PDLIM3: variants seen among roughly 807,000 people sequenced by gnomAD.
The protein encoded by PDLIM3 is PDZ and LIM domain protein 3.
Under a neutral mutation model 37.3 loss-of-function variants are expected in PDLIM3, and 36 were observed. The ratio of observed to expected loss-of-function variants is 0.97; its 90% confidence interval spans 0.74 to 1.28. The LOEUF (loss-of-function observed/expected upper bound fraction) is 1.28. Ranked by LOEUF, PDLIM3 falls within the 50% of genes most tolerant of loss-of-function variation. The pLI, the probability that PDLIM3 is intolerant of heterozygous loss-of-function variation, is 0.00. For synonymous variants in PDLIM3, 174 were observed against 182.4 expected, an observed-to-expected ratio of 0.95 and a Z score of 0.37; for missense variants, 454 against 485.0, an observed-to-expected ratio of 0.94 and a Z score of 0.60.
Position 185,504,708 on chromosome 4 carries a change from G to A in PDLIM3, c.794-122C>T. On this transcript the variant is annotated intron_variant, in intron 6 of 7. Coordinates refer to ENST00000284767, the MANE Select transcript of PDLIM3 (RefSeq NM_014476.6). This position sits in a 1 kb window ranked among gnomAD's most constrained non-coding sequence, Gnocchi z 4.7. ...CATCTGCACCGTCATTCCGAGAGGG[G>A]CAGGACTGATGCAATCATAAGGGAC... 1 of 748,922 alleles carries A rather than the reference G, an allele frequency of 1.3e-6. No homozygotes were observed. The allele number at this position is 748,922 out of a possible 1,614,324, so 46.4% of individuals were successfully genotyped here.
In PDLIM3 at chr4:185,502,327, G is replaced by T; in HGVS notation, c.1062C>A (p.Gly354=). ...TGGGATACAGAGTGACCGTGTCATA[G>T]CCCTCTGGGGGCTTTGTGCGGGCTC... ...HARARTKPPE[G]YDTVTLYPKA The change falls in exon 8 of 8, where the codon GGC becomes GGA. Residue 354 remains glycine (G), a synonymous_variant. Transcript: ENST00000284767. The T allele has an allele frequency of 6.2e-7, 1 of 1,614,254 alleles. No homozygotes were observed. Among genetic ancestry groups the T allele is most frequent in the South Asian group, 1.1e-5 (1 of 91,090 alleles).
intron 1 of PDLIM3, among the ~76,000 whole-genome samples, chr4:185,527,877 C>T (rs2153338839): frequency 6.6e-6 from 1 of 151,996 alleles, no homozygotes; most frequent in African/African-American, 2.4e-5. Flanking sequence ...TAGCAGGACC[C>T]TGTCTCTACA....
intron 1 of PDLIM3, among the ~76,000 whole-genome samples, chr4:185,526,268 C>T (rs1276512513): frequency 2.0e-5 from 3 of 152,202 alleles, no homozygotes; most frequent in African/African-American, 4.8e-5. Flanking sequence ...TTTGTATTCA[C>T]TCATGGTCTC....
At chr4:185,529,200 T>C (rs1425605942) in intron 1 of PDLIM3, among the ~76,000 whole-genome samples, 1 of 152,192 alleles carries the variant, frequency 6.6e-6, no homozygotes, top group Non-Finnish European at 1.5e-5. Context: ...TCCAGTCCTA[T>C]TCCAGATGCT....
chr4:185,502,196 T>C lies in PDLIM3; in HGVS notation c.*98A>G. On this transcript the variant is annotated 3_prime_UTR_variant, in exon 8 of 8. Transcript: ENST00000284767. ...TAAAGCCTTGACTTTAGATTTGGAG[T>C]TGACAATCTGCACAATCCTTCTGCC... is the stretch of plus-strand genomic sequence containing the variant. 1 of 1,241,842 alleles carries C rather than the reference T, an allele frequency of 8.1e-7. No homozygotes were observed. The highest frequency in any genetic ancestry group is 1.2e-6 in the Non-Finnish European group (1 of 855,076). 76.9% of individuals were successfully genotyped at this position (1,241,842 alleles called of 1,614,324 possible).
At position 185,504,161 on chromosome 4, in the gene PDLIM3, G is replaced by A. The variant is rs1259938278; in HGVS notation, c.905+314C>T. ...ATTTACTAAACACTATACGTTAACA[G>A]GGGTGGGGGAGTTTAAAGTGAAGTC... is the stretch of plus-strand genomic sequence containing the variant. On this transcript the variant is annotated intron_variant, in intron 7 of 7. Transcript: ENST00000284767. The surrounding 1 kb of genome is among the most constrained non-coding windows in gnomAD (Gnocchi z 4.7). Among the ~76,000 whole-genome samples, 1 of 152,144 alleles carries A rather than the reference G, an allele frequency of 6.6e-6. No homozygotes were observed. The highest frequency in any genetic ancestry group is 1.5e-5 in the Non-Finnish European group (1 of 68,022).
At chr4:185,513,796 T>C (rs1445382579) in intron 4 of PDLIM3, 6 of 1,034,240 alleles carry the variant, frequency 5.8e-6, no homozygotes, top group Non-Finnish European at 7.0e-6. Context: ...AGAAGATATT[T>C]GAAAAGGATG....
At chr4:185,530,981 CACACACAT>C (rs61637374) in intron 1 of PDLIM3, among the ~76,000 whole-genome samples, 50,592 of 95,202 alleles carry the variant, frequency 0.53, 9,285 homozygotes, top group East Asian at 0.58. Context: ...CACACACACA[CACACACAT>C]ACACACACAC....
At chr4:185,511,189 A>C (rs2153334066) in intron 4 of PDLIM3, among the ~76,000 whole-genome samples, 1 of 152,344 alleles carries the variant, frequency 6.6e-6, no homozygotes, top group South Asian at 2.1e-4. Flanking sequence ...TTTGGATCTA[A>C]AATACCTTAC....
At chr4:185,506,387 G>T in intron 6 of PDLIM3, 135 bp downstream of exon 6, 3 of 1,183,304 alleles carry the variant, frequency 2.5e-6, no homozygotes, top group Non-Finnish European at 1.2e-6. Flanking sequence ...CTATCCTTCT[G>T]AGCAAAAATT....
At chr4:185,533,870 AT>A (rs2095748902) in intron 1 of PDLIM3, among the ~76,000 whole-genome samples, 1 of 152,204 alleles carries the variant, frequency 6.6e-6, no homozygotes, top group African/African-American at 2.4e-5. Context: ...TTTGGTTAGA[AT>A]TTAATATAAA....
intron 1 of PDLIM3, among the ~76,000 whole-genome samples, chr4:185,528,711 T>C (rs2095738599): frequency 6.6e-6 from 1 of 152,210 alleles, no homozygotes; most frequent in Admixed American, 6.5e-5. Flanking sequence ...GTATTCAACC[T>C]GGTTATTGCT....
At chr4:185,513,667 G>A in intron 4 of PDLIM3, 1 of 991,666 alleles carries the variant, frequency 1.0e-6, no homozygotes, top group Non-Finnish European at 1.2e-6. Context: ...CTTCCTGTGG[G>A]CTGACTGGCT....
chr4:185,511,439 G>T (rs990495930), intron 4 of PDLIM3, among the ~76,000 whole-genome samples: 1 of 151,166 alleles, frequency 6.6e-6, no homozygotes, highest in African/African-American at 2.4e-5. Context: ...TTGGCTCACC[G>T]CAACCTCTGC....
rs1426331423 is a variant in PDLIM3, at chr4:185,529,745, C to T, written c.94-4574G>A. ...ATTACTATTGAGAACTATTATCTCA[C>T]ATAATTCTTAAGACAATCTTACAAC... is the stretch of plus-strand genomic sequence containing the variant. On this transcript the variant is annotated intron_variant, in intron 1 of 7. Transcript: ENST00000284767. Among the ~76,000 whole-genome samples, 6 of 152,336 alleles carry T rather than the reference C, an allele frequency of 3.9e-5. No individual in the cohort carries two copies. In the South Asian group the frequency reaches 1.0e-3, roughly 26 times the overall value.
intron 4 of PDLIM3, among the ~76,000 whole-genome samples, chr4:185,509,812 C>T (rs1427529023): frequency 6.6e-6 from 1 of 152,102 alleles, no homozygotes; most frequent in African/African-American, 2.4e-5. Flanking sequence ...TAACTTCAGC[C>T]CATATAAAGA....
Position 185,502,463 on chromosome 4 carries a change from C to G in PDLIM3, c.926G>C (p.Arg309Pro). The change falls in exon 8 of 8, where the codon CGG becomes CCG. Residue 309 changes from arginine to proline, a missense_variant. Physicochemically the swap from Arg to Pro is moderately radical, Grantham distance 103 (BLOSUM62 -2). Coordinates refer to ENST00000284767, the MANE Select transcript of PDLIM3 (RefSeq NM_014476.6). ...GCACTCAGGGTGCCGGTACTTATCC[C>G]GCGCCTTCACCACAGCACCGCTGTT... ...SGIVGAVVKA[R>P]DKYRHPECFV... 6.2e-7 allele frequency: 1 copy of G among 1,614,128 alleles called. No individual in the cohort carries two copies. The highest frequency in any genetic ancestry group is 8.5e-7 in the Non-Finnish European group (1 of 1,180,026).
At chr4:185,513,839 C>CGA in intron 4 of PDLIM3, 1 of 1,095,578 alleles carries the variant, frequency 9.1e-7, no homozygotes, top group Non-Finnish European at 1.1e-6. Context: ...TACTGAGAGA[C>CGA]GAGAAGGAAG....
intron 2 of PDLIM3, 126 bp from the exon 3 acceptor site, chr4:185,523,572 T>TTA (rs1323191546): frequency 6.2e-6 from 4 of 640,492 alleles, no homozygotes; most frequent in Non-Finnish European, 1.1e-5. Context: ...AAAACAATTT[T>TTA]TTTTTTTGCT....
Sources: gnomAD v4.1 joint callset for allele counts (sites outside exome capture counted in the v4.1 genomes callset) on GRCh38, gnomAD v4.1.1 for gene constraint, Gnocchi (gnomAD v3.1) non-coding constraint, MANE v1.5 for transcripts, NCBI Gene and HGNC (gene_info 2026-07-23, HGNC 2026-07-21) for gene names.